The following KMT2C variants were observed in gnomAD, a reference collection of about 807,000 sequenced individuals.
The protein encoded by KMT2C is histone-lysine N-methyltransferase 2C.
Under a neutral mutation model 507.9 loss-of-function variants are expected in KMT2C, and 88 were observed. The observed-to-expected ratio is 0.17, with a 90% CI of 0.15 to 0.21. The LOEUF (loss-of-function observed/expected upper bound fraction) is 0.21. Among genes scored for constraint, KMT2C ranks in the 10% least tolerant of loss-of-function variants. The probability of loss-of-function intolerance (pLI) is 1.00; values close to 1 mark genes in which losing one functional copy is unlikely to be tolerated. For missense variants in KMT2C, 4,954 were observed against 5,957.8 expected, an observed-to-expected ratio of 0.83 and a Z score of 5.55; for synonymous variants, 2,049 against 2,080.8, an observed-to-expected ratio of 0.98 and a Z score of 0.42.
At chr7:152,348,635 AAG>A (rs1266203383) in intron 2 of KMT2C, among the ~76,000 whole-genome samples, 1 of 151,300 alleles carries the variant, frequency 6.6e-6, no homozygotes, top group Non-Finnish European at 1.5e-5. Flanking sequence ...GAAAGAAAGA[AAG>A]AAAAAAAGCA....
At chr7:152,393,884 G>A (rs770395146) in intron 1 of KMT2C, among the ~76,000 whole-genome samples, 180 of 97,448 alleles carry the variant, frequency 1.8e-3, no homozygotes, top group Admixed American at 5.2e-3. Context: ...GCAACAAGAA[G>A]CAAAACTCCA....
rs2095331186 is a variant in KMT2C, at chr7:152,238,766, C to A, written c.2593G>T (p.Gly865Cys). Residue 865 changes from glycine (G) to cysteine (C), a missense_variant, in exon 15 of 59, where the codon GGT becomes TGT. Transcript: ENST00000262189. ...PPSWSPDISE[G>C]REIFKPRQLP... ...TGCCTGGGTTTAAAAATTTCCCGAC[C>A]TTCTGAAATGTCTGGGGACCAGGAA... 1 of 1,610,284 alleles carries A rather than the reference C, an allele frequency of 6.2e-7. No individual in the cohort carries two copies. Among genetic ancestry groups the A allele is most frequent in the Non-Finnish European group, 8.5e-7 (1 of 1,179,136 alleles).
chr7:152,248,350 G>A lies in KMT2C; in HGVS notation c.2084C>T (p.Pro695Leu), dbSNP rs751564781. Residue 695 changes from proline (P) to leucine (L), a missense_variant, in exon 14 of 59, where the codon CCA becomes CTA. Pro to Leu is a moderately conservative substitution (Grantham distance 98). This residue lies in a region of KMT2C where 376 missense variants were observed against 352.4 expected (regional missense o/e 1.07). Transcript: ENST00000262189. Reference sequence around the variant, plus strand: ...ATGTGGGGACACTAAGGTTTCTAGTGGAAGAGTGACAGATTCCATGACTAA... The same window carrying A: ...ATGTGGGGACACTAAGGTTTCTAGTAGAAGAGTGACAGATTCCATGACTAA... ...PKLVMESVTL[P>L]LETLVSPHEE... 9.3e-6 allele frequency: 15 copies of A among 1,613,772 alleles called. No homozygotes were observed. The highest frequency in any genetic ancestry group is 1.3e-5 in the Non-Finnish European group (15 of 1,179,892).
At chr7:152,397,226 C>G (rs974909044) in intron 1 of KMT2C, among the ~76,000 whole-genome samples, 1 of 151,166 alleles carries the variant, frequency 6.6e-6, no homozygotes, top group Non-Finnish European at 1.5e-5. Flanking sequence ...GATGGAGTCT[C>G]ACTCTGTTGC....
intron 3 of KMT2C, among the ~76,000 whole-genome samples, chr7:152,326,796 G>A (rs948638704): frequency 5.3e-5 from 8 of 152,158 alleles, no homozygotes; most frequent in Admixed American, 1.3e-4. Context: ...CAGGAGAATC[G>A]CGCGAACCCG....
chr7:152,175,875 T>C (rs924098146), intron 38 of KMT2C, among the ~76,000 whole-genome samples: 4 of 152,102 alleles, frequency 2.6e-5, no homozygotes, highest in African/African-American at 7.2e-5. Flanking sequence ...ACCCCGCACC[T>C]CTACTAAAAA....
chr7:152,234,577 A>G (rs1174771495), intron 16 of KMT2C, among the ~76,000 whole-genome samples: 1 of 152,120 alleles, frequency 6.6e-6, no homozygotes, highest in South Asian at 2.1e-4. Context: ...TTATGCTGAT[A>G]CCAAAACCAG....
chr7:152,351,204 AAGTAT>A (rs1409490324), intron 2 of KMT2C, among the ~76,000 whole-genome samples: 1 of 152,198 alleles, frequency 6.6e-6, no homozygotes, highest in African/African-American at 2.4e-5. Context: ...TAATGATAAA[AAGTAT>A]AGTATAGTAA....
chr7:152,323,324 A>G (rs964862223), intron 3 of KMT2C, among the ~76,000 whole-genome samples: 1 of 152,050 alleles, frequency 6.6e-6, no homozygotes, highest in African/African-American at 2.4e-5. Flanking sequence ...TATATAAACA[A>G]TGGAATACTA....
intron 2 of KMT2C, among the ~76,000 whole-genome samples, chr7:152,337,581 G>A (rs761647333): frequency 1.6e-4 from 25 of 152,108 alleles, no homozygotes; most frequent in African/African-American, 5.6e-4. Context: ...CAATGGTTCC[G>A]AGTCTGCATT....
chr7:152,397,104 C>A (rs148249216), intron 1 of KMT2C, among the ~76,000 whole-genome samples: 1 of 152,182 alleles, frequency 6.6e-6, no homozygotes, highest in Non-Finnish European at 1.5e-5. Context: ...CACTCAACTA[C>A]TGAAGCCACA....
chr7:152,148,158 C>T lies in KMT2C; in HGVS notation c.13769G>A (p.Arg4590His), dbSNP rs1323051494. Residue 4590 changes from arginine to histidine, a missense_variant, in exon 52 of 59, where the codon CGC (arginine) becomes CAC (histidine). This residue lies in a region of KMT2C where 221 missense variants were observed against 304.7 expected (regional missense o/e 0.73). Transcript: ENST00000262189. This position sits in a 1 kb window ranked among gnomAD's most constrained non-coding sequence, Gnocchi z 7.1. ...YEASRLYWST[R>H]YANRRCRYLC... ...GTAGCGGCAGCGCCTATTGGCATAG[C>T]GAGTGCTCCAGTACAGCCGGCTGGC... 16 of 1,614,014 alleles carry T rather than the reference C, an allele frequency of 9.9e-6. No individual in the cohort carries two copies. Among genetic ancestry groups the T allele is most frequent in the Non-Finnish European group, 1.2e-5 (14 of 1,179,974 alleles).
intron 1 of KMT2C, among the ~76,000 whole-genome samples, chr7:152,360,263 A>C (rs1205251733): frequency 6.6e-6 from 1 of 152,058 alleles, no homozygotes; most frequent in Non-Finnish European, 1.5e-5. Context: ...GGATCACCTG[A>C]GGTCAGGAGT....
At chr7:152,344,204 C>T (rs2097028912) in intron 2 of KMT2C, among the ~76,000 whole-genome samples, 1 of 152,184 alleles carries the variant, frequency 6.6e-6, no homozygotes, top group Non-Finnish European at 1.5e-5. Context: ...GTGAAAATTA[C>T]AGTGGTGCCA....
rs1589235970 is a variant in KMT2C, at chr7:152,330,546, T to C, written c.389+55A>G. The C allele has an allele frequency of 3.2e-6, 5 of 1,547,348 alleles. No individual in the cohort carries two copies. The East Asian group carries it at 1.1e-4, about 35-fold the overall frequency. On this transcript the variant is annotated intron_variant, in intron 3 of 58. Transcript: ENST00000262189. Reference sequence around the variant, plus strand: ...CTCCTTGAATTTTCTCTATAGTCATTTCACTGCTTTATTCCTGTCACTAAT... The same window carrying C: ...CTCCTTGAATTTTCTCTATAGTCATCTCACTGCTTTATTCCTGTCACTAAT...
At chr7:152,234,968 T>A (rs897939309) in intron 16 of KMT2C, among the ~76,000 whole-genome samples, 1 of 152,006 alleles carries the variant, frequency 6.6e-6, no homozygotes, top group African/African-American at 2.4e-5. Flanking sequence ...GAAAAGGGAG[T>A]ACACTGTTAA....
intron 6 of KMT2C, among the ~76,000 whole-genome samples, chr7:152,303,331 C>T (rs1253379274): frequency 1.3e-5 from 2 of 152,194 alleles, no homozygotes; most frequent in South Asian, 2.1e-4. Context: ...GCATTTTAAG[C>T]TGTATAGTTT....
At chr7:152,230,540 A>G (rs1006975160) in intron 16 of KMT2C, among the ~76,000 whole-genome samples, 1 of 152,216 alleles carries the variant, frequency 6.6e-6, no homozygotes, top group African/African-American at 2.4e-5. Flanking sequence ...CTATAGACCA[A>G]GAAGTAATGA....
At chr7:152,355,369 G>A (rs1228723963) in intron 2 of KMT2C, among the ~76,000 whole-genome samples, 1 of 152,084 alleles carries the variant, frequency 6.6e-6, no homozygotes, top group Non-Finnish European at 1.5e-5. Flanking sequence ...CAAGCTGAAA[G>A]ATACAGGTTG....
Sources: gnomAD v4.1 joint callset for allele counts (sites outside exome capture counted in the v4.1 genomes callset) on GRCh38, gnomAD v4.1.1 for gene constraint, gnomAD v4.1.1 regional missense constraint, Gnocchi (gnomAD v3.1) non-coding constraint, MANE v1.5 for transcripts, NCBI Gene and HGNC (gene_info 2026-07-23, HGNC 2026-07-21) for gene names.